Variants in F7 observed in about 807,000 individuals in gnomAD.
F7 encodes coagulation factor VII.
F7 carries 38 observed loss-of-function variants against 47.5 expected under a neutral mutation model. The observed-to-expected ratio is 0.80, with a 90% CI of 0.62 to 1.05. The LOEUF (loss-of-function observed/expected upper bound fraction) is 1.05. F7 is among the 50% of genes least tolerant of loss of function. The probability of loss-of-function intolerance (pLI) is 0.00; values close to 1 mark genes in which losing one functional copy is unlikely to be tolerated. For synonymous variants in F7, 244 were observed against 258.5 expected, an observed-to-expected ratio of 0.94 and a Z score of 0.54; for missense variants, 575 against 605.4, an observed-to-expected ratio of 0.95 and a Z score of 0.53.
intron 1 of F7, among the ~76,000 whole-genome samples, chr13:113,108,363 A>G (rs1349613122): frequency 7.6e-5 from 2 of 26,200 alleles, no homozygotes; most frequent in Non-Finnish European, 7.5e-5. Context: ...GTGTCCCGGG[A>G]GTGTGGGTGT....
chr13:113,106,173 C>T (rs2035949029), intron 1 of F7, among the ~76,000 whole-genome samples: 1 of 146,364 alleles, frequency 6.8e-6, no homozygotes, highest in Admixed American at 6.8e-5. Context: ...CCCCATGGGC[C>T]CCTGCCTGTG....
intron 1 of F7, among the ~76,000 whole-genome samples, chr13:113,108,636 G>GT (rs2036020120): frequency 8.9e-6 from 1 of 112,058 alleles, no homozygotes; most frequent in Non-Finnish European, 1.8e-5. Flanking sequence ...TGTCCCGGGG[G>GT]CGTGGGTGTC....
rs772690519 is a variant in F7, at chr13:113,105,904, A to T, written c.63A>T (p.Ala21=). The T allele has an allele frequency of 6.3e-7, 1 of 1,586,568 alleles. No homozygotes were observed. The highest frequency in any genetic ancestry group is 8.6e-7 in the Non-Finnish European group (1 of 1,166,818). Residue 21 remains alanine, a splice_region_variant and synonymous_variant, in exon 1 of 8, where the codon GCA becomes GCT. Transcript: ENST00000346342. The part of the protein sequence containing the change: ...LLLGLQGCLA[A]VFVTQEEAHG... ...TTGGGCTTCAGGGCTGCCTGGCTGC[A>T]GGTGCGTCCGGGGAGGTTTTCTCCA...
At chr13:113,106,085 G>A (rs1197331620) in intron 1 of F7, among the ~76,000 whole-genome samples, 180 bp downstream of exon 1, 2 of 151,026 alleles carry the variant, frequency 1.3e-5, no homozygotes, top group African/African-American at 4.9e-5. Flanking sequence ...GCACAGGAGG[G>A]GAGGCCCTTC....
At chr13:113,112,745 C>A (rs373061799) in intron 2 of F7, among the ~76,000 whole-genome samples, 1 of 147,148 alleles carries the variant, frequency 6.8e-6, no homozygotes, top group Non-Finnish European at 1.5e-5. Context: ...CACCTCACAC[C>A]CACAGGACAC....
chr13:113,113,080 ACT>A lies in F7; in HGVS notation c.226-670_226-669del, dbSNP rs1296139714. Among the ~76,000 whole-genome samples the A allele has an allele frequency of 6.6e-6, 1 of 151,104 alleles. No homozygotes were observed. The highest frequency in any genetic ancestry group is 1.5e-5 in the Non-Finnish European group (1 of 67,808). On this transcript the variant is annotated intron_variant, in intron 2 of 7. Coordinates refer to ENST00000346342, the MANE Select transcript of F7 (RefSeq NM_019616.4). This position sits in a 1 kb window ranked among gnomAD's most constrained non-coding sequence, Gnocchi z 4.1. ...ACACTCACAGGTCGCCACACCTCAC[ACT>A]CACAGGATGCCTCACACTCACAGAA...
chr13:113,114,669 AC>A (rs1156601097), intron 4 of F7: 4 of 154,416 alleles, frequency 2.6e-5, no homozygotes, highest in Non-Finnish European at 5.7e-5. Context: ...CCAGCTGACC[AC>A]CCGCATGGCT....
rs780805759 is a variant in F7, at chr13:113,113,814, T to C, written c.251-33T>C. 5 of 1,614,180 alleles carry C rather than the reference T, an allele frequency of 3.1e-6. 1 individual carries two copies. In the South Asian group the frequency reaches 5.5e-5, roughly 18 times the overall value. On this transcript the variant is annotated intron_variant, in intron 3 of 7. Transcript: ENST00000346342. The surrounding 1 kb of genome is among the most constrained non-coding windows in gnomAD (Gnocchi z 4.1). ...TCACCACCAGTCCTGCCTGCAACCCTTCTCAGCTTACTGACACCAGCCCAC... is the reference window on the plus strand; with the variant it reads ...TCACCACCAGTCCTGCCTGCAACCCCTCTCAGCTTACTGACACCAGCCCAC...
intron 4 of F7, 106 bp from the exon 5 acceptor site, chr13:113,115,554 C>A: frequency 7.6e-7 from 1 of 1,311,396 alleles, no homozygotes; most frequent in Non-Finnish European, 1.1e-6. Flanking sequence ...CTCAGTGCCA[C>A]CTTCCAGGCA....
chr13:113,107,040 G>A, intron 1 of F7: 2 of 1,068,246 alleles, frequency 1.9e-6, no homozygotes, highest in East Asian at 2.6e-5. Context: ...GGTGTTCCCT[G>A]CTCGAGAGGA....
chr13:113,118,458 G>A lies in F7; in HGVS notation c.785G>A (p.Arg262Gln), dbSNP rs77121822. Residue 262 changes from arginine to glutamine, a missense_variant, in exon 8 of 8, where the codon CGG becomes CAG. Coordinates refer to ENST00000346342, the MANE Select transcript of F7 (RefSeq NM_019616.4). ...CACGACGGGGATGAGCAGAGCCGGCGGGTGGCGCAGGTCATCATCCCCAGC... is the reference window on the plus strand; with the variant it reads ...CACGACGGGGATGAGCAGAGCCGGCAGGTGGCGCAGGTCATCATCCCCAGC... The part of the protein sequence containing the change: ...SEHDGDEQSR[R>Q]VAQVIIPSTY... The A allele has an allele frequency of 4.4e-4, 705 of 1,606,384 alleles. 1 individual carries two copies. Among genetic ancestry groups the A allele is most frequent in the African/African-American group, 2.7e-3 (204 of 74,982 alleles).
At chr13:113,107,309 G>T (rs1319754033) in intron 1 of F7, among the ~76,000 whole-genome samples, 116 of 111,692 alleles carry the variant, frequency 1.0e-3, no homozygotes, top group African/African-American at 3.8e-3. Context: ...TGTCCCGGGG[G>T]CGTGGGTGTC....
At position 113,118,652 on chromosome 13, in the gene F7, G is replaced by T; in HGVS notation, c.979G>T (p.Asp327Tyr). Residue 327 changes from aspartate (D) to tyrosine (Y), a missense_variant, in exon 8 of 8, where the codon GAC (aspartate) becomes TAC (tyrosine). Coordinates refer to ENST00000346342, the MANE Select transcript of F7 (RefSeq NM_019616.4). ...GGTCAGCGGCTGGGGCCAGCTGCTGGACCGTGGCGCCACGGCCCTGGAGCT... is the reference window on the plus strand; with the variant it reads ...GGTCAGCGGCTGGGGCCAGCTGCTGTACCGTGGCGCCACGGCCCTGGAGCT... ...SLVSGWGQLL[D>Y]RGATALELMV... is the part of the protein sequence containing the mutation. The T allele has an allele frequency of 6.2e-7, 1 of 1,612,902 alleles. No individual in the cohort carries two copies. The highest frequency in any genetic ancestry group is 1.1e-5 in the South Asian group (1 of 91,070).
intron 1 of F7, among the ~76,000 whole-genome samples, chr13:113,109,199 C>A (rs1368784483): frequency 2.0e-5 from 2 of 98,628 alleles, no homozygotes. Context: ...GTCCCAGGGG[C>A]GTGGGTGTCC....
At chr13:113,110,343 C>A (rs1231598460) in intron 1 of F7, 2 of 258,854 alleles carry the variant, frequency 7.7e-6, no homozygotes, top group South Asian at 1.1e-4. Context: ...GGTTGCCCGG[C>A]ACCCGGGGCC....
chr13:113,117,793 T>G (rs1200494101), intron 7 of F7, among the ~76,000 whole-genome samples, 197 bp downstream of exon 7: 1 of 152,138 alleles, frequency 6.6e-6, no homozygotes, highest in East Asian at 1.9e-4. Flanking sequence ...TGGGTACCAC[T>G]CTCCCCTGTC....
chr13:113,106,906 C>G (rs747374204), intron 1 of F7: 2 of 1,602,876 alleles, frequency 1.2e-6, no homozygotes, highest in East Asian at 4.5e-5. Context: ...CGGGGCCTCA[C>G]AGAGGTGAGC....
At chr13:113,116,407 C>T (rs1396362028) in intron 5 of F7, among the ~76,000 whole-genome samples, 1 of 152,260 alleles carries the variant, frequency 6.6e-6, no homozygotes, top group East Asian at 1.9e-4. Context: ...CAGTTTGATT[C>T]ATCTTTAGGT....
At chr13:113,112,782 T>C (rs1166503386) in intron 2 of F7, among the ~76,000 whole-genome samples, 2 of 128,414 alleles carry the variant, frequency 1.6e-5, no homozygotes, top group African/African-American at 6.2e-5. Context: ...ACCTCAGTCT[T>C]ACAGGACAAC....
Sources: allele counts gnomAD v4.1 joint callset (sites outside exome capture counted in the v4.1 genomes callset), GRCh38; gene constraint gnomAD v4.1.1; non-coding constraint Gnocchi (gnomAD v3.1); transcripts MANE v1.5; gene names NCBI Gene and HGNC (gene_info 2026-07-23, HGNC 2026-07-21).